The following LSAMP variants were observed in gnomAD, a reference collection of about 807,000 sequenced individuals.
LSAMP encodes limbic system-associated membrane protein.
LSAMP carries 7 observed loss-of-function variants against 38.6 expected under a neutral mutation model. The ratio of observed to expected loss-of-function variants is 0.18; its 90% CI spans 0.10 to 0.34. The LOEUF (loss-of-function observed/expected upper bound fraction) is 0.34, where lower values mean the gene tolerates loss of function less well. LSAMP is among the 10% of genes least tolerant of loss of function. The probability of loss-of-function intolerance (pLI) is 1.00; values close to 1 mark genes in which losing one functional copy is unlikely to be tolerated. For synonymous variants in LSAMP, 154 were observed against 166.8 expected, an observed-to-expected ratio of 0.92 and a Z score of 0.59; for missense variants, 313 against 420.0, an observed-to-expected ratio of 0.75 and a Z score of 2.23.
chr3:116,203,109 A>C (rs187506958), intron 1 of LSAMP, among the ~76,000 whole-genome samples: 24 of 152,152 alleles, frequency 1.6e-4, no homozygotes, highest in African/African-American at 4.6e-4. Context: ...TCCAATCTTC[A>C]TGTCTTTTAT....
intron 1 of LSAMP, among the ~76,000 whole-genome samples, chr3:116,208,104 T>C (rs2046095943): frequency 2.0e-5 from 3 of 151,114 alleles, no homozygotes; most frequent in South Asian, 4.2e-4. Flanking sequence ...TCATTTCTTT[T>C]TATTCTTTTT....
chr3:116,391,255 T>G (rs1559851427), intron 1 of LSAMP, among the ~76,000 whole-genome samples: 1 of 151,594 alleles, frequency 6.6e-6, no homozygotes, highest in African/African-American at 2.4e-5. Flanking sequence ...CAGGAGCAGC[T>G]GCGGGAGCAG....
chr3:116,002,699 G>A (rs1433700766), intron 3 of LSAMP, among the ~76,000 whole-genome samples: 1 of 152,104 alleles, frequency 6.6e-6, no homozygotes, highest in African/African-American at 2.4e-5. Context: ...ACCAAAATGG[G>A]CTTCTGTTTC....
At chr3:116,156,582 T>C (rs1158583596) in intron 1 of LSAMP, among the ~76,000 whole-genome samples, 1 of 152,028 alleles carries the variant, frequency 6.6e-6, no homozygotes, top group Non-Finnish European at 1.5e-5. Context: ...ATAGGAAAAA[T>C]GGTTCAAAGT....
Position 115,805,885 on chromosome 3 carries a change from GAAATATTCT to G in LSAMP, c.*4423_*4431del, listed in dbSNP as rs1559827736. 6.6e-6 allele frequency: 1 copy of G among 152,196 alleles called. No individual in the cohort carries two copies. The highest frequency in any genetic ancestry group is 2.4e-5 in the African/African-American group (1 of 41,448). 9.4% of individuals were successfully genotyped at this position (152,196 alleles called of 1,614,324 possible). On this transcript the variant is annotated 3_prime_UTR_variant, in exon 7 of 7. Coordinates refer to ENST00000490035, the MANE Select transcript of LSAMP (RefSeq NM_002338.5). ...TGAGGCAAATGCAGTCTTTGGAGAA[GAAATATTCT>G]AAACATTTAAGCAAGGAGGAGGCTT...
At chr3:116,164,760 A>ATATTTTT (rs374542146) in intron 1 of LSAMP, among the ~76,000 whole-genome samples, 23 of 91,610 alleles carry the variant, frequency 2.5e-4, no homozygotes, top group South Asian at 7.1e-4. Flanking sequence ...ATATATATAT[A>ATATTTTT]TTTTTTTTTT....
intron 3 of LSAMP, among the ~76,000 whole-genome samples, chr3:115,931,834 A>G (rs1937585450): frequency 1.3e-5 from 2 of 152,172 alleles, no homozygotes; most frequent in African/African-American, 4.8e-5. Flanking sequence ...ATGTTGAGTA[A>G]CTGTCTCCAA....
At chr3:116,298,348 T>C (rs928106607) in intron 1 of LSAMP, among the ~76,000 whole-genome samples, 3 of 152,114 alleles carry the variant, frequency 2.0e-5, no homozygotes, top group South Asian at 4.1e-4. Context: ...AAGTAAATCA[T>C]GGACTTAAAA....
chr3:116,396,707 A>G (rs540160974), intron 1 of LSAMP, among the ~76,000 whole-genome samples: 7 of 152,272 alleles, frequency 4.6e-5, no homozygotes, highest in African/African-American at 1.7e-4. Context: ...TTGTTTGTCT[A>G]CTGTTCTACT....
At chr3:115,935,498 T>C (rs1283172184) in intron 3 of LSAMP, among the ~76,000 whole-genome samples, 1 of 152,204 alleles carries the variant, frequency 6.6e-6, no homozygotes, top group African/African-American at 2.4e-5. Flanking sequence ...CCCAGCAGAA[T>C]GGAAGTCCAC....
intron 3 of LSAMP, among the ~76,000 whole-genome samples, chr3:115,904,399 A>AT (rs1227135876): frequency 6.6e-6 from 1 of 152,162 alleles, no homozygotes; most frequent in Non-Finnish European, 1.5e-5. Flanking sequence ...GTGGATACAA[A>AT]TCTTCCCACA....
At chr3:116,421,094 A>G (rs2049117445) in intron 1 of LSAMP, among the ~76,000 whole-genome samples, 1 of 152,198 alleles carries the variant, frequency 6.6e-6, no homozygotes, top group Non-Finnish European at 1.5e-5. Context: ...GAAGAAGGTA[A>G]GAATAACTCT....
At chr3:116,278,058 G>T (rs2047078047) in intron 1 of LSAMP, among the ~76,000 whole-genome samples, 1 of 152,122 alleles carries the variant, frequency 6.6e-6, no homozygotes, top group African/African-American at 2.4e-5. Context: ...TATAATAAAA[G>T]TGAAGTGTAT....
chr3:116,400,679 C>T (rs1284333371), intron 1 of LSAMP, among the ~76,000 whole-genome samples: 5 of 151,830 alleles, frequency 3.3e-5, no homozygotes, highest in East Asian at 3.9e-4. Flanking sequence ...GGTTTCACCA[C>T]GTTAGCCAGG....
intron 1 of LSAMP, among the ~76,000 whole-genome samples, chr3:116,372,562 G>A (rs1324837141): frequency 3.3e-5 from 5 of 151,856 alleles, no homozygotes; most frequent in African/African-American, 1.2e-4. Context: ...AAAAAGGCAA[G>A]TTGAACTTTA....
At chr3:115,844,960 C>G (rs546007681) in intron 4 of LSAMP, among the ~76,000 whole-genome samples, 4 of 152,200 alleles carry the variant, frequency 2.6e-5, no homozygotes, top group South Asian at 2.1e-4. Context: ...CTGGGCAACA[C>G]AGCAAGACCC....
At chr3:116,280,468 T>C (rs1255328859) in intron 1 of LSAMP, among the ~76,000 whole-genome samples, 1 of 152,190 alleles carries the variant, frequency 6.6e-6, no homozygotes, top group African/African-American at 2.4e-5. Context: ...ACCACATTGC[T>C]CTCCTTCCCT....
intron 6 of LSAMP, among the ~76,000 whole-genome samples, chr3:115,821,477 G>T (rs1441704586): frequency 6.6e-6 from 1 of 152,150 alleles, no homozygotes; most frequent in Non-Finnish European, 1.5e-5. Context: ...TTGCACAGTT[G>T]TTCTAATTCT....
intron 1 of LSAMP, among the ~76,000 whole-genome samples, chr3:116,379,105 T>TC (rs1428838243): frequency 6.6e-6 from 1 of 152,014 alleles, no homozygotes; most frequent in Admixed American, 6.6e-5. Context: ...AATGCTGTTG[T>TC]CTTTCAAGGT....
Sources: gnomAD v4.1 joint callset for allele counts (sites outside exome capture counted in the v4.1 genomes callset) on GRCh38, gnomAD v4.1.1 for gene constraint, MANE v1.5 for transcripts, NCBI Gene and HGNC (gene_info 2026-07-23, HGNC 2026-07-21) for gene names.